The following DLGAP2 variants were observed in gnomAD, a reference collection of about 807,000 sequenced individuals.
DLGAP2 encodes disks large-associated protein 2.
Under a neutral mutation model 100.3 loss-of-function variants are expected in DLGAP2, and 26 were observed. That is an observed-to-expected ratio of 0.26 (90% confidence interval 0.19 to 0.36). DLGAP2 has a LOEUF of 0.36. Ranked by LOEUF, DLGAP2 falls within the 10% of genes least tolerant of loss-of-function variation. The probability of loss-of-function intolerance (pLI) is 1.00; values close to 1 mark genes in which losing one functional copy is unlikely to be tolerated. For synonymous variants in DLGAP2, 886 were observed against 630.1 expected (o/e 1.41, Z -6.08); for missense variants, 1,858 against 1,453.2 (o/e 1.28, Z -4.53).
intron 1 of DLGAP2, among the ~76,000 whole-genome samples, chr8:823,555 G>T (rs998922316): frequency 6.6e-6 from 1 of 152,076 alleles, no homozygotes; most frequent in African/African-American, 2.4e-5. Flanking sequence ...CTTGACTTCC[G>T]TCAGCTCCAG....
At chr8:1,633,160 C>A in intron 8 of DLGAP2, 114 bp downstream of exon 8, 1 of 974,188 alleles carries the variant, frequency 1.0e-6, no homozygotes, top group Non-Finnish European at 1.5e-6. Flanking sequence ...CTCCTGACAT[C>A]TAGTAACGTT....
chr8:1,261,078 T>C (rs1024750669), intron 3 of DLGAP2, among the ~76,000 whole-genome samples: 1 of 152,154 alleles, frequency 6.6e-6, no homozygotes, highest in Non-Finnish European at 1.5e-5. Flanking sequence ...TCCAGATCTT[T>C]AAAACGAGAC....
intron 2 of DLGAP2, among the ~76,000 whole-genome samples, chr8:1,156,389 C>T (rs1276093880): frequency 2.0e-5 from 3 of 152,146 alleles, no homozygotes; most frequent in Non-Finnish European, 4.4e-5. Flanking sequence ...TCTGGACGCC[C>T]CTGGGTCTGG....
In DLGAP2 at chr8:1,706,540, G is replaced by A. The variant is rs527305776; in HGVS notation, c.*5134G>A. 8 of 152,194 alleles carry A rather than the reference G, an allele frequency of 5.3e-5. No homozygotes were observed. In the East Asian group the frequency reaches 1.5e-3, roughly 29 times the overall value. 9.4% of individuals were successfully genotyped at this position (152,194 alleles called of 1,614,324 possible). A position where few individuals can be genotyped will look rare whatever the true frequency, so the allele number is the denominator to read the frequency against. On this transcript the variant is annotated 3_prime_UTR_variant, in exon 15 of 15. Coordinates refer to ENST00000637795, the MANE Select transcript of DLGAP2 (RefSeq NM_001346810.2). ...GAGGCCATGAGACTGTCTTTGGAAA[G>A]GTTTGGAAATGCAGAAATAACTACA... is the stretch of plus-strand genomic sequence containing the variant.
intron 2 of DLGAP2, among the ~76,000 whole-genome samples, chr8:1,172,738 C>G (rs1364067681): frequency 6.6e-6 from 1 of 152,180 alleles, no homozygotes; most frequent in African/African-American, 2.4e-5. Context: ...GCTCCATCAG[C>G]TCCTTTAAGC....
intron 2 of DLGAP2, among the ~76,000 whole-genome samples, chr8:1,168,159 A>T (rs569732682): frequency 0.019 from 2,790 of 150,464 alleles, 82 homozygotes; most frequent in African/African-American, 0.065. Flanking sequence ...GCCATAGTTT[A>T]CTGAGAATGA....
intron 2 of DLGAP2, among the ~76,000 whole-genome samples, chr8:1,006,130 A>G (rs75851457): frequency 2.4e-3 from 367 of 152,238 alleles, no homozygotes; most frequent in African/African-American, 8.4e-3. Flanking sequence ...CTGACGTTGC[A>G]GTGAGCCGAG....
At chr8:814,487 G>T (rs1244280858) in intron 1 of DLGAP2, among the ~76,000 whole-genome samples, 1 of 152,172 alleles carries the variant, frequency 6.6e-6, no homozygotes, top group Non-Finnish European at 1.5e-5. Context: ...ACTAGTAAGG[G>T]CTGGATCCTG....
chr8:937,935 C>T (rs892563570), intron 2 of DLGAP2, among the ~76,000 whole-genome samples: 2 of 152,122 alleles, frequency 1.3e-5, no homozygotes, highest in Non-Finnish European at 2.9e-5. Flanking sequence ...TCCATCCCGG[C>T]CTTTCTGCAG....
At chr8:1,313,846 CCT>C (rs1563076916) in intron 3 of DLGAP2, among the ~76,000 whole-genome samples, 1 of 151,960 alleles carries the variant, frequency 6.6e-6, no homozygotes, top group Non-Finnish European at 1.5e-5. Context: ...TAACCATCCC[CCT>C]CTCATATTCA....
At chr8:1,202,793 A>C (rs1460994539) in intron 2 of DLGAP2, among the ~76,000 whole-genome samples, 1 of 152,110 alleles carries the variant, frequency 6.6e-6, no homozygotes, top group Non-Finnish European at 1.5e-5. Context: ...CCAAATGACA[A>C]TCACCCAAGC....
At chr8:768,606 A>T (rs1472855233) in intron 1 of DLGAP2, among the ~76,000 whole-genome samples, 1 of 151,342 alleles carries the variant, frequency 6.6e-6, no homozygotes, top group Non-Finnish European at 1.5e-5. Flanking sequence ...TTGTATTTTT[A>T]GTAGAGATGG....
chr8:1,641,897 TC>T (rs1178504107), intron 8 of DLGAP2, among the ~76,000 whole-genome samples: 3 of 129,372 alleles, frequency 2.3e-5, no homozygotes, highest in Admixed American at 7.7e-5. Flanking sequence ...CTCACCTGTG[TC>T]ACCCTCGACC....
At chr8:1,592,803 G>T (rs981723818) in intron 6 of DLGAP2, among the ~76,000 whole-genome samples, 9 of 152,134 alleles carry the variant, frequency 5.9e-5, no homozygotes, top group Non-Finnish European at 1.2e-4. Context: ...CACAGTAATT[G>T]TCAGGCTCAG....
At chr8:739,262 G>A (rs981382324) in intron 1 of DLGAP2, 1 of 152,234 alleles carries the variant, frequency 6.6e-6, no homozygotes, top group Non-Finnish European at 1.5e-5. Context: ...ACCCCCCGGA[G>A]AGGTCGGGCC....
chr8:1,542,240 G>C (rs80316723), intron 4 of DLGAP2, among the ~76,000 whole-genome samples: 1 of 151,982 alleles, frequency 6.6e-6, no homozygotes, highest in Non-Finnish European at 1.5e-5. Flanking sequence ...TATTTTATTC[G>C]AGCTTTATGG....
rs71514194 is a variant in DLGAP2, at chr8:741,076, A to C, written c.18+3251A>C. Among the ~76,000 whole-genome samples the C allele has an allele frequency of 4.5e-4, 68 of 152,286 alleles. 2 individuals are homozygous for C. In the East Asian group the frequency reaches 0.012, roughly 26 times the overall value. On this transcript the variant is annotated intron_variant, in intron 1 of 14. Coordinates refer to ENST00000637795, the MANE Select transcript of DLGAP2 (RefSeq NM_001346810.2). ...GTAGTTTTACCAACTAGTTTTCATC[A>C]TACGAGGCTTTCTAGTGCCACTAAC...
intron 2 of DLGAP2, among the ~76,000 whole-genome samples, chr8:1,232,972 C>T (rs1045341322): frequency 3.3e-5 from 5 of 152,246 alleles, no homozygotes; most frequent in Admixed American, 2.0e-4. Context: ...CCCCAGTCTA[C>T]TTCCTGTCTC....
At chr8:997,847 TACATACAC>T (rs1378113867) in intron 2 of DLGAP2, among the ~76,000 whole-genome samples, 5 of 148,994 alleles carry the variant, frequency 3.4e-5, no homozygotes, top group African/African-American at 1.2e-4. Flanking sequence ...CACGTGTGCA[TACATACAC>T]ACATACACAC....
Sources: gnomAD v4.1 joint callset for allele counts (sites outside exome capture counted in the v4.1 genomes callset) on GRCh38, gnomAD v4.1.1 for gene constraint, MANE v1.5 for transcripts, NCBI Gene and HGNC (gene_info 2026-07-23, HGNC 2026-07-21) for gene names.